Variants in EFL1 observed in about 807,000 individuals in gnomAD.
EFL1 encodes elongation factor like GTPase 1, also known as elongation factor-like GTPase 1.
In EFL1, 76 loss-of-function variants were observed where a neutral mutation model predicts 126.7. The observed-to-expected ratio is 0.60, with a 90% confidence interval of 0.50 to 0.73. The LOEUF (loss-of-function observed/expected upper bound fraction) is 0.73. EFL1 is among the 30% of genes least tolerant of loss of function. The pLI is 0.00. For synonymous variants in EFL1, 410 were observed against 448.4 expected, an observed-to-expected ratio of 0.91 and a Z score of 1.08; for missense variants, 1,128 against 1,343.2, an observed-to-expected ratio of 0.84 and a Z score of 2.50.
chr15:82,162,970 T>A (rs2074038993), intron 16 of EFL1, among the ~76,000 whole-genome samples: 1 of 152,194 alleles, frequency 6.6e-6, no homozygotes, highest in African/African-American at 2.4e-5. Context: ...AAAGTCACAG[T>A]GATTCAGGAT....
At chr15:82,213,195 T>A (rs1595986660) in intron 15 of EFL1, among the ~76,000 whole-genome samples, 1 of 152,234 alleles carries the variant, frequency 6.6e-6, no homozygotes, top group Non-Finnish European at 1.5e-5. Context: ...AAGTGGTTGG[T>A]TGTCCATCAG....
At chr15:82,171,888 C>T (rs932356342) in intron 15 of EFL1, among the ~76,000 whole-genome samples, 1 of 152,040 alleles carries the variant, frequency 6.6e-6, no homozygotes, top group Non-Finnish European at 1.5e-5. Flanking sequence ...TATACACACA[C>T]ACACACACAC....
chr15:82,259,083 C>T lies in EFL1; in HGVS notation c.159+5G>A. ...GCAACAAGTATTTATAAAATAATAA[C>T]ATACCTTGCCTGCTAGGCGGCTGGA... is the stretch of plus-strand genomic sequence containing the variant. On this transcript the variant is annotated splice_donor_5th_base_variant and intron_variant, in intron 3 of 19. Coordinates refer to ENST00000268206, the MANE Select transcript of EFL1 (RefSeq NM_024580.6). 1.2e-6 allele frequency: 2 copies of T among 1,612,874 alleles called. No homozygotes were observed. The highest frequency in any genetic ancestry group is 1.7e-6 in the Non-Finnish European group (2 of 1,179,108).
chr15:82,243,775 G>A (rs1320945605), intron 4 of EFL1, among the ~76,000 whole-genome samples: 3 of 150,646 alleles, frequency 2.0e-5, no homozygotes, highest in East Asian at 2.0e-4. Flanking sequence ...CCCTAAGTAC[G>A]CGTCCATTTC....
At chr15:82,186,464 ACT>A (rs2074304886) in intron 15 of EFL1, among the ~76,000 whole-genome samples, 1 of 151,990 alleles carries the variant, frequency 6.6e-6, no homozygotes, top group African/African-American at 2.4e-5. Context: ...GCAGTTAAAC[ACT>A]CTCTCACAAA....
intron 15 of EFL1, among the ~76,000 whole-genome samples, chr15:82,167,327 C>T (rs182284062): frequency 2.6e-5 from 4 of 152,284 alleles, no homozygotes. Flanking sequence ...CATGTGAACT[C>T]TATGTTCACA....
intron 14 of EFL1, among the ~76,000 whole-genome samples, chr15:82,216,027 G>A (rs962013730): frequency 1.4e-4 from 22 of 152,088 alleles, no homozygotes; most frequent in African/African-American, 5.1e-4. Context: ...AGACAGCTTA[G>A]CAAGGTGGCA....
At chr15:82,224,657 A>C (rs549700394) in intron 12 of EFL1, among the ~76,000 whole-genome samples, 2 of 152,322 alleles carry the variant, frequency 1.3e-5, no homozygotes, top group Admixed American at 6.5e-5. Context: ...TGGGGAAAGC[A>C]GCAGAGACAG....
intron 3 of EFL1, 74 bp downstream of exon 3, chr15:82,259,014 C>T: frequency 7.4e-7 from 1 of 1,355,496 alleles, no homozygotes; most frequent in Non-Finnish European, 1.1e-6. Context: ...GGCTGAAGAA[C>T]ACAGAAAATG....
intron 3 of EFL1, among the ~76,000 whole-genome samples, chr15:82,256,281 C>T (rs112520143): frequency 3.2e-4 from 49 of 152,268 alleles, no homozygotes; most frequent in African/African-American, 1.2e-3. Context: ...GGCACAGGTA[C>T]ATTTATTATG....
intron 4 of EFL1, among the ~76,000 whole-genome samples, chr15:82,248,043 T>G (rs2074989489): frequency 6.6e-6 from 1 of 152,134 alleles, no homozygotes; most frequent in Non-Finnish European, 1.5e-5. Flanking sequence ...TAGAAATTAC[T>G]CTGTCCTTGG....
intron 15 of EFL1, among the ~76,000 whole-genome samples, chr15:82,176,681 C>G (rs2074199191): frequency 6.6e-6 from 1 of 152,122 alleles, no homozygotes; most frequent in Admixed American, 6.5e-5. Context: ...GACAAAGATA[C>G]AGAGCAACTG....
chr15:82,147,585 T>G (rs1289079408), intron 18 of EFL1, among the ~76,000 whole-genome samples: 2 of 136,544 alleles, frequency 1.5e-5, no homozygotes, highest in Non-Finnish European at 3.0e-5. Context: ...AAGGCTGCAG[T>G]GAGCTGAGAT....
intron 12 of EFL1, among the ~76,000 whole-genome samples, chr15:82,222,069 C>T (rs991755522): frequency 1.3e-5 from 2 of 152,166 alleles, no homozygotes; most frequent in African/African-American, 4.8e-5. Context: ...ATGCAGAACA[C>T]ATTTTTATTA....
intron 15 of EFL1, among the ~76,000 whole-genome samples, chr15:82,212,307 A>G (rs1009940310): frequency 1.3e-5 from 2 of 152,264 alleles, no homozygotes; most frequent in African/African-American, 4.8e-5. Flanking sequence ...CTTCTTATAA[A>G]AAATTAAAAG....
intron 7 of EFL1, among the ~76,000 whole-genome samples, chr15:82,231,994 A>G (rs557814782): frequency 2.6e-5 from 4 of 152,164 alleles, no homozygotes; most frequent in Non-Finnish European, 5.9e-5. Context: ...TCCAGATGTT[A>G]AGTCAGGATA....
intron 15 of EFL1, among the ~76,000 whole-genome samples, chr15:82,170,463 G>A (rs2074123955): frequency 6.6e-6 from 1 of 152,204 alleles, no homozygotes; most frequent in African/African-American, 2.4e-5. Context: ...CAGCTGCAGG[G>A]TGGAGCACAA....
chr15:82,241,147 A>T, intron 5 of EFL1, 123 bp downstream of exon 5: 1 of 1,141,720 alleles, frequency 8.8e-7, no homozygotes, highest in African/African-American at 1.5e-5. Flanking sequence ...ACAGACTGGA[A>T]CGTTACCAAA....
chr15:82,257,147 T>C (rs2075073680), intron 3 of EFL1, among the ~76,000 whole-genome samples: 1 of 152,228 alleles, frequency 6.6e-6, no homozygotes, highest in Non-Finnish European at 1.5e-5. Flanking sequence ...TAAATGACTA[T>C]AGAATAATTC....
Sources: allele counts gnomAD v4.1 joint callset (sites outside exome capture counted in the v4.1 genomes callset), GRCh38; gene constraint gnomAD v4.1.1; transcripts MANE v1.5; gene names NCBI Gene and HGNC (gene_info 2026-07-23, HGNC 2026-07-21).